Variants in CRIM1 observed in about 807,000 individuals in gnomAD.
The protein encoded by CRIM1 is cysteine-rich motor neuron 1 protein.
In CRIM1, 32 loss-of-function variants were observed where a neutral mutation model predicts 116.4. That is an observed-to-expected ratio of 0.27 (90% CI 0.21 to 0.37). CRIM1 has a LOEUF of 0.37. Ranked by LOEUF, CRIM1 falls within the 10% of genes least tolerant of loss-of-function variation. CRIM1 has a pLI of 1.00. For synonymous variants in CRIM1, 590 were observed against 509.2 expected, an observed-to-expected ratio of 1.16 and a Z score of -2.13; for missense variants, 1,331 against 1,354.8, an observed-to-expected ratio of 0.98 and a Z score of 0.28.
chr2:36,421,873 T>G (rs569791076), intron 2 of CRIM1, among the ~76,000 whole-genome samples: 75 of 152,300 alleles, frequency 4.9e-4, no homozygotes, highest in African/African-American at 1.7e-3. Flanking sequence ...TTTCAATGCC[T>G]TTGGTAATGG....
intron 2 of CRIM1, among the ~76,000 whole-genome samples, chr2:36,427,717 G>A (rs968710239): frequency 1.3e-5 from 2 of 152,198 alleles, no homozygotes; most frequent in African/African-American, 4.8e-5. Context: ...AAGTCCCTAT[G>A]GTATGGAGGC....
intron 7 of CRIM1, among the ~76,000 whole-genome samples, chr2:36,484,865 C>T (rs1317098581): frequency 6.6e-6 from 1 of 152,140 alleles, no homozygotes; most frequent in Non-Finnish European, 1.5e-5. Context: ...AAATTCCGTG[C>T]TAGCGGTTGG....
At chr2:36,513,064 G>C (rs1422659720) in intron 10 of CRIM1, among the ~76,000 whole-genome samples, 3 of 152,116 alleles carry the variant, frequency 2.0e-5, no homozygotes, top group Non-Finnish European at 2.9e-5. Flanking sequence ...TTTGTTTTAC[G>C]ATTTTTCAAA....
At chr2:36,400,194 G>C (rs1012852488) in intron 2 of CRIM1, among the ~76,000 whole-genome samples, 2 of 152,212 alleles carry the variant, frequency 1.3e-5, no homozygotes, top group African/African-American at 4.8e-5. Flanking sequence ...GATATGGAGA[G>C]TAGAGGGGAG....
At chr2:36,424,243 G>A (rs1480693852) in intron 2 of CRIM1, among the ~76,000 whole-genome samples, 2 of 152,212 alleles carry the variant, frequency 1.3e-5, no homozygotes, top group African/African-American at 4.8e-5. Flanking sequence ...TAGACTGAGA[G>A]AAGGAATCCA....
intron 2 of CRIM1, among the ~76,000 whole-genome samples, chr2:36,421,859 G>GT (rs1674092022): frequency 6.6e-6 from 1 of 151,944 alleles, no homozygotes; most frequent in African/African-American, 2.4e-5. Context: ...GTTTGCAGCA[G>GT]TTTTTTCAAT....
intron 2 of CRIM1, among the ~76,000 whole-genome samples, chr2:36,414,480 C>G (rs1157056628): frequency 6.6e-6 from 1 of 152,160 alleles, no homozygotes; most frequent in Non-Finnish European, 1.5e-5. Context: ...TCAGGGCAAA[C>G]AAGACAGATA....
chr2:36,499,614 C>T (rs1056048493), intron 8 of CRIM1, among the ~76,000 whole-genome samples: 6 of 152,080 alleles, frequency 3.9e-5, no homozygotes, highest in African/African-American at 1.4e-4. Context: ...TGCATCCTTC[C>T]AGCCACCCAG....
rs146577360 is a variant in CRIM1 at position 36,392,742 on chromosome 2, A to G, written c.332-3872A>G. Among the ~76,000 whole-genome samples the G allele has an allele frequency of 1.4e-4, 21 of 152,322 alleles. No homozygotes were observed. The East Asian group carries it at 1.5e-3, about 11-fold the overall frequency. On this transcript the variant is annotated intron_variant, in intron 1 of 16. Transcript: ENST00000280527. Reference sequence around the variant, plus strand: ...TCAGTAGCATGTTGTACTTGATCCTATGAAGCGGTGGTTGCTAGGGAAACC... The same window carrying G: ...TCAGTAGCATGTTGTACTTGATCCTGTGAAGCGGTGGTTGCTAGGGAAACC...
rs1665438487 is a variant in CRIM1 at position 36,522,198 on chromosome 2, T to C, written c.2313T>C (p.Val771=). The C allele has an allele frequency of 1.9e-6, 3 of 1,614,180 alleles. No individual in the cohort carries two copies. The highest frequency in any genetic ancestry group is 1.3e-5 in the African/African-American group (1 of 75,054). The change falls in exon 13 of 17, where the codon GTT becomes GTC. Residue 771 remains valine, a synonymous_variant. Coordinates refer to ENST00000280527, the MANE Select transcript of CRIM1 (RefSeq NM_016441.3). The part of the protein sequence containing the change: ...FLAAESWKPD[V]CTSCICIDSV... Reference sequence around the variant, plus strand: ...CAGCTGAGTCCTGGAAGCCTGACGTTTGTACCAGCTGCATCTGCATTGATA... The same window carrying C: ...CAGCTGAGTCCTGGAAGCCTGACGTCTGTACCAGCTGCATCTGCATTGATA...
intron 1 of CRIM1, among the ~76,000 whole-genome samples, chr2:36,363,537 C>CA (rs1280842083): frequency 1.4e-5 from 2 of 143,192 alleles, no homozygotes; most frequent in African/African-American, 2.5e-5. Context: ...CCGCCCCCCC[C>CA]CCCCATGACT....
At chr2:36,465,042 C>T (rs1355401296) in intron 5 of CRIM1, among the ~76,000 whole-genome samples, 3 of 152,202 alleles carry the variant, frequency 2.0e-5, no homozygotes, top group African/African-American at 7.2e-5. Context: ...ATTGGGCCTG[C>T]CACACTTGGG....
intron 1 of CRIM1, chr2:36,378,815 T>G (rs570376546): frequency 2.0e-5 from 3 of 151,250 alleles, no homozygotes; most frequent in South Asian, 2.1e-4. Context: ...GGTTTTTTTT[T>G]TTTTTTTTTT....
Position 36,356,733 on chromosome 2 carries a change from C to T in CRIM1, c.331+110C>T, listed in dbSNP as rs902874317. The T allele has an allele frequency of 9.8e-6, 11 of 1,117,800 alleles. No individual in the cohort carries two copies. The highest frequency in any genetic ancestry group is 1.6e-5 in the African/African-American group (1 of 63,492). The allele number at this position is 1,117,800 out of a possible 1,614,324, so 69.2% of individuals were successfully genotyped here. ...ACTTTCTGGAGGAAAGAGGGCTCTGCGGGAAGAGGGGCGGCCGCCGCCCCC... is the reference window on the plus strand; with the variant it reads ...ACTTTCTGGAGGAAAGAGGGCTCTGTGGGAAGAGGGGCGGCCGCCGCCCCC... On this transcript the variant is annotated intron_variant, in intron 1 of 16. Coordinates refer to ENST00000280527, the MANE Select transcript of CRIM1 (RefSeq NM_016441.3). The surrounding 1 kb of genome is among the most constrained non-coding windows in gnomAD (Gnocchi z 4.3).
chr2:36,513,019 T>G (rs907477791), intron 10 of CRIM1, among the ~76,000 whole-genome samples: 13 of 152,214 alleles, frequency 8.5e-5, no homozygotes, highest in Non-Finnish European at 1.9e-4. Flanking sequence ...CTTGTCAGCA[T>G]GATGCACAGA....
rs1674329720 is a variant in CRIM1, at chr2:36,424,806, A to C, written c.506-16452A>C. Among the ~76,000 whole-genome samples, 2 of 152,022 alleles carry C rather than the reference A, an allele frequency of 1.3e-5. 1 individual carries two copies. The highest frequency in any genetic ancestry group is 4.2e-4 in the South Asian group (2 of 4,810). On this transcript the variant is annotated intron_variant, in intron 2 of 16. Transcript: ENST00000280527. The stretch of plus-strand genomic sequence containing the variant: ...GAGCCTCAATGGATATCTCACTTAC[A>C]CTGATTTGATCTTTACAAATTGTAT...
At chr2:36,389,651 G>A (rs970191472) in intron 1 of CRIM1, among the ~76,000 whole-genome samples, 3 of 152,140 alleles carry the variant, frequency 2.0e-5, no homozygotes, top group Non-Finnish European at 2.9e-5. Context: ...AACCTAAACA[G>A]ATACAAGGTG....
chr2:36,400,939 C>T lies in CRIM1; in HGVS notation c.505+4152C>T, dbSNP rs567389311. Among the ~76,000 whole-genome samples the T allele has an allele frequency of 1.1e-4, 16 of 152,116 alleles. No homozygotes were observed. In the South Asian group the frequency reaches 3.3e-3, roughly 32 times the overall value. ...TTAAAGCCTCCTTTTAGGGACTCTT[C>T]TTTGAGTAGTTTATAGTATTAAGGG... On this transcript the variant is annotated intron_variant, in intron 2 of 16. Coordinates refer to ENST00000280527, the MANE Select transcript of CRIM1 (RefSeq NM_016441.3).
chr2:36,362,619 GC>G (rs1000061934), intron 1 of CRIM1, among the ~76,000 whole-genome samples: 10 of 152,106 alleles, frequency 6.6e-5, no homozygotes, highest in African/African-American at 1.9e-4. Context: ...CTTGCCCTGG[GC>G]AGTAGCCTGG....
Sources: allele counts gnomAD v4.1 joint callset (sites outside exome capture counted in the v4.1 genomes callset), GRCh38; gene constraint gnomAD v4.1.1; non-coding constraint Gnocchi (gnomAD v3.1); transcripts MANE v1.5; gene names NCBI Gene and HGNC (gene_info 2026-07-23, HGNC 2026-07-21).